The following FGD6 variants were observed in gnomAD, a reference collection of about 807,000 sequenced individuals.
FGD6 encodes FYVE, RhoGEF and PH domain containing 6, also known as FYVE, RhoGEF and PH domain-containing protein 6.
In FGD6, 90 loss-of-function variants were observed where a neutral mutation model predicts 149.4. The observed-to-expected ratio is 0.60, with a 90% CI of 0.51 to 0.72. FGD6 has a LOEUF of 0.72. Among genes scored for constraint, FGD6 ranks in the 30% least tolerant of loss-of-function variants. FGD6 has a pLI of 0.00. For missense variants in FGD6, 1,437 were observed against 1,684.8 expected, an observed-to-expected ratio of 0.85 and a Z score of 2.57; for synonymous variants, 527 against 584.0, an observed-to-expected ratio of 0.90 and a Z score of 1.41.
intron 14 of FGD6, among the ~76,000 whole-genome samples, chr12:95,100,140 A>C (rs1878376931): frequency 6.7e-6 from 1 of 148,306 alleles, no homozygotes; most frequent in Non-Finnish European, 1.5e-5. Context: ...ATAACATTGA[A>C]TACTCCAAAT....
intron 2 of FGD6, among the ~76,000 whole-genome samples, chr12:95,173,007 A>G (rs112721047): frequency 1.8e-3 from 268 of 152,296 alleles, no homozygotes; most frequent in African/African-American, 5.6e-3. Flanking sequence ...CTATGCTTCT[A>G]TATATCCCTC....
rs957270395 is a variant in FGD6, at chr12:95,155,342, C to T, written c.2587-2349G>A. On this transcript the variant is annotated intron_variant, in intron 3 of 20. Coordinates refer to ENST00000343958, the MANE Select transcript of FGD6 (RefSeq NM_018351.4). ...AGGAGTTCGAGACCAGCCTGACTAA[C>T]AAGGGGAAACCCCATCTCTACTAAA... is the stretch of plus-strand genomic sequence containing the variant. Among the ~76,000 whole-genome samples, 3 of 152,264 alleles carry T rather than the reference C, an allele frequency of 2.0e-5. No individual in the cohort carries two copies. In the South Asian group the frequency reaches 6.2e-4, roughly 32 times the overall value.
chr12:95,152,772 A>C (rs891866610), intron 5 of FGD6, 39 bp downstream of exon 5: 2 of 1,586,138 alleles, frequency 1.3e-6, no homozygotes, highest in Admixed American at 1.7e-5. Context: ...ACAAAAGGGA[A>C]TAGTCTTAGA....
chr12:95,145,557 C>T (rs1298494045), intron 5 of FGD6, among the ~76,000 whole-genome samples: 2 of 152,124 alleles, frequency 1.3e-5, no homozygotes, highest in Non-Finnish European at 2.9e-5. Context: ...AGTAATTTTC[C>T]ATCCACTAAC....
rs910306678 is a variant in FGD6 at position 95,092,575 on chromosome 12, A to G, written c.3747+124T>C. On this transcript the variant is annotated intron_variant, in intron 16 of 20. Coordinates refer to ENST00000343958, the MANE Select transcript of FGD6 (RefSeq NM_018351.4). ...ATTCATGTTTGCTACCATTAACATA[A>G]TAATAATAATAGTTATTGTTATTCT... The G allele has an allele frequency of 8.8e-6, 9 of 1,018,712 alleles. 1 individual carries two copies. In the Admixed American group the frequency reaches 2.9e-4, roughly 32 times the overall value. The allele number at this position is 1,018,712 out of a possible 1,614,324, so 63.1% of individuals were successfully genotyped here. A position where few individuals can be genotyped will look rare whatever the true frequency, so the allele number is the denominator to read the frequency against.
chr12:95,095,363 A>T (rs1293243143), intron 14 of FGD6, among the ~76,000 whole-genome samples: 1 of 145,528 alleles, frequency 6.9e-6, no homozygotes, highest in Non-Finnish European at 1.5e-5. Flanking sequence ...AAACTTGGTC[A>T]GACAAGGGTA....
At chr12:95,178,001 AAT>A (rs1175315047) in intron 2 of FGD6, among the ~76,000 whole-genome samples, 1 of 151,686 alleles carries the variant, frequency 6.6e-6, no homozygotes, top group Non-Finnish European at 1.5e-5. Flanking sequence ...CCTGGCCTCA[AAT>A]GAACCTCCTG....
rs941299980 is a variant in FGD6 at position 95,077,194 on chromosome 12, C to T, written c.*4326G>A. 5.9e-5 allele frequency: 9 copies of T among 152,074 alleles called. No individual in the cohort carries two copies. The highest frequency in any genetic ancestry group is 1.9e-4 in the African/African-American group (8 of 41,404). The allele number at this position is 152,074 out of a possible 1,614,324, so 9.4% of individuals were successfully genotyped here. A position where few individuals can be genotyped will look rare whatever the true frequency, so the allele number is the denominator to read the frequency against. ...CACTTAAAAAAAATCAGAAGGGATC[C>T]ATAGGAAGGAATTTAATTCAGCAAA... On this transcript the variant is annotated 3_prime_UTR_variant, in exon 21 of 21. Transcript: ENST00000343958.
chr12:95,174,265 C>T (rs927906046), intron 2 of FGD6, among the ~76,000 whole-genome samples: 1 of 152,102 alleles, frequency 6.6e-6, no homozygotes. Flanking sequence ...CTGAGATTAG[C>T]GAGAGCAAAT....
intron 6 of FGD6, among the ~76,000 whole-genome samples, chr12:95,139,605 G>T (rs1284201395): frequency 6.6e-6 from 1 of 151,456 alleles, no homozygotes; most frequent in African/African-American, 2.4e-5. Context: ...CAAAATACTG[G>T]GATTAAAGGT....
chr12:95,113,231 CTTTTTT>C (rs11343496), intron 9 of FGD6, among the ~76,000 whole-genome samples: 1 of 109,644 alleles, frequency 9.1e-6, no homozygotes. Flanking sequence ...GGCCTCAAGT[CTTTTTT>C]TTTTTTTTTT....
At chr12:95,091,293 T>C (rs141528034) in intron 17 of FGD6, among the ~76,000 whole-genome samples, 2 of 152,306 alleles carry the variant, frequency 1.3e-5, no homozygotes, top group African/African-American at 4.8e-5. Context: ...TACATTAACA[T>C]CTCACTAAAT....
intron 9 of FGD6, 118 bp from the exon 10 acceptor site, chr12:95,108,679 A>G: frequency 8.6e-7 from 1 of 1,157,048 alleles, no homozygotes; most frequent in Admixed American, 2.1e-5. Flanking sequence ...CCTCTGGAGG[A>G]GCTTATTGAC....
chr12:95,208,507 C>CA (rs2056704489), intron 2 of FGD6, among the ~76,000 whole-genome samples: 2 of 152,090 alleles, frequency 1.3e-5, no homozygotes, highest in African/African-American at 4.8e-5. Context: ...TTGAATTGGC[C>CA]AATTTCCTGC....
chr12:95,104,973 A>G (rs760811475), intron 14 of FGD6, 34 bp downstream of exon 14: 1,778 of 145,478 alleles, frequency 0.012, 3 homozygotes, highest in African/African-American at 0.036. Context: ...CAGAATGAGA[A>G]AAAAAAAAAA....
At chr12:95,172,794 C>A (rs1437462845) in intron 2 of FGD6, 50 bp from the exon 3 acceptor site, 6 of 1,444,384 alleles carry the variant, frequency 4.2e-6, no homozygotes, top group Non-Finnish European at 4.6e-6. Flanking sequence ...ATAAGAAGTG[C>A]TAGCAAAACA....
intron 3 of FGD6, among the ~76,000 whole-genome samples, chr12:95,160,995 C>T (rs113745635): frequency 0.19 from 29,568 of 151,892 alleles, 3,089 homozygotes; most frequent in Non-Finnish European, 0.21. Context: ...GGCTGGCCAA[C>T]ATGGTGAAAC....
At chr12:95,171,568 T>C (rs1168307963) in intron 3 of FGD6, among the ~76,000 whole-genome samples, 1 of 152,176 alleles carries the variant, frequency 6.6e-6, no homozygotes, top group Non-Finnish European at 1.5e-5. Flanking sequence ...CAGGCTGGAG[T>C]GCAGTGGCGT....
chr12:95,150,481 G>C (rs1412115294), intron 5 of FGD6, among the ~76,000 whole-genome samples: 1 of 151,970 alleles, frequency 6.6e-6, no homozygotes, highest in Non-Finnish European at 1.5e-5. Context: ...GGTGTGGTGG[G>C]GATGTTCAGG....
Sources: allele counts gnomAD v4.1 joint callset (sites outside exome capture counted in the v4.1 genomes callset), GRCh38; gene constraint gnomAD v4.1.1; transcripts MANE v1.5; gene names NCBI Gene and HGNC (gene_info 2026-07-23, HGNC 2026-07-21).